Variants in PCDHGA8 observed in about 807,000 individuals in gnomAD.
The protein encoded by PCDHGA8 is protocadherin gamma-A8.
PCDHGA8 carries 45 observed loss-of-function variants against 59.2 expected under a neutral mutation model. The observed-to-expected ratio is 0.76, with a 90% CI of 0.60 to 0.98. The LOEUF is 0.98. Among genes scored for constraint, PCDHGA8 ranks in the 50% least tolerant of loss-of-function variants. The pLI is 0.00. For missense variants in PCDHGA8, 1,257 were observed against 1,196.2 expected (o/e 1.05, Z -0.75); for synonymous variants, 531 against 519.0 (o/e 1.02, Z -0.32).
Position 141,505,473 on chromosome 5 carries a change from C to T in PCDHGA8, c.2564C>T (p.Ser855Phe). The change falls in exon 3 of 4, where the codon TCC (serine) becomes TTC (phenylalanine). Residue 855 changes from serine to phenylalanine, a missense_variant. Transcript: ENST00000398604. Reference sequence around the variant, plus strand: ...ATGCTGCAAGCCATGATCTTGGCGTCCGCCAGTGGTAAGTGGTGTCAGTGT... The same window carrying T: ...ATGCTGCAAGCCATGATCTTGGCGTTCGCCAGTGGTAAGTGGTGTCAGTGT... ...TEMLQAMILA[S>F]ASEAADGSST... is the part of the protein sequence containing the mutation. The T allele has an allele frequency of 6.2e-7, 1 of 1,614,188 alleles. No homozygotes were observed. Among genetic ancestry groups the T allele is most frequent in the Non-Finnish European group, 8.5e-7 (1 of 1,180,014 alleles).
At chr5:141,427,440 G>A (rs747459662) in intron 1 of PCDHGA8, 1 of 477,484 alleles carries the variant, frequency 2.1e-6, no homozygotes, top group South Asian at 1.5e-5. Flanking sequence ...CCTCATAAAC[G>A]AAAGAGTTCC....
chr5:141,419,869 G>A, intron 1 of PCDHGA8: 3 of 1,614,072 alleles, frequency 1.9e-6, no homozygotes, highest in South Asian at 1.1e-5. Flanking sequence ...GCTTGCAAGA[G>A]GTACTGCCGG....
At chr5:141,419,775 G>C in intron 1 of PCDHGA8, 1 of 1,614,016 alleles carries the variant, frequency 6.2e-7, no homozygotes, top group Non-Finnish European at 8.5e-7. Flanking sequence ...GACTCGGTCC[G>C]CCAGCGCCTG....
intron 1 of PCDHGA8, chr5:141,426,908 G>C (rs1047101179): frequency 8.8e-6 from 4 of 456,612 alleles, no homozygotes; most frequent in African/African-American, 6.0e-5. Context: ...CTCATCTCCT[G>C]GTCCTGGAAG....
In PCDHGA8 at chr5:141,489,906, C is replaced by T. The variant is rs550717535; in HGVS notation, c.2425-4901C>T. On this transcript the variant is annotated intron_variant, in intron 1 of 3. Transcript: ENST00000398604. The surrounding 1 kb of genome is among the most constrained non-coding windows in gnomAD (Gnocchi z 4.5). ...CTGTGGATGGGGGGACCCCAGCCCG[C>T]TCAGGGACCACCCTTATCTCTGTCA... 4.5e-5 allele frequency: 72 copies of T among 1,614,234 alleles called. No individual in the cohort carries two copies. In the African/African-American group the frequency reaches 5.6e-4, roughly 13 times the overall value.
chr5:141,502,003 G>A (rs945565369), intron 2 of PCDHGA8, among the ~76,000 whole-genome samples: 17 of 151,966 alleles, frequency 1.1e-4, no homozygotes, highest in Admixed American at 1.1e-3. Flanking sequence ...CTGACAACCC[G>A]CATGCTCTCC....
intron 1 of PCDHGA8, chr5:141,419,863 G>T (rs1416582920): frequency 6.2e-7 from 1 of 1,614,108 alleles, no homozygotes; most frequent in Non-Finnish European, 8.5e-7. Flanking sequence ...CAGATAGCTT[G>T]CAAGAGGTAC....
rs61612330 is a variant in PCDHGA8 at position 141,454,796 on chromosome 5, A to ATTTTTTTTTTTTTTTTTTTTTTTTT, written c.2425-40006_2425-39982dup. ...AAGGAAATAATCCTCCATGGTTCTA[A>ATTTTTTTTTTTTTTTTTTTTTTTTT]TTTTTTTTTTTTTTTTTTTTTTTTT... On this transcript the variant is annotated intron_variant, in intron 1 of 3. Coordinates refer to ENST00000398604, the MANE Select transcript of PCDHGA8 (RefSeq NM_032088.2). Among the ~76,000 whole-genome samples, 7 of 77,408 alleles carry ATTTTTTTTTTTTTTTTTTTTTTTTT rather than the reference A, an allele frequency of 9.0e-5. 1 individual carries two copies. Among genetic ancestry groups the ATTTTTTTTTTTTTTTTTTTTTTTTT allele is most frequent in the East Asian group, 4.0e-4 (1 of 2,514 alleles). 50.8% of individuals were successfully genotyped at this position (77,408 alleles called of 152,430 possible). A position where few individuals can be genotyped will look rare whatever the true frequency, so the allele number is the denominator to read the frequency against.
Position 141,491,543 on chromosome 5 carries a change from A to G in PCDHGA8, c.2425-3264A>G. 6.2e-7 allele frequency: 1 copy of G among 1,613,842 alleles called. No individual in the cohort carries two copies. The highest frequency in any genetic ancestry group is 8.5e-7 in the Non-Finnish European group (1 of 1,179,982). ...ATGGAGGTGACGCTGCGGCCCACAG[A>G]CTCGCAGAGCCACTGCTACAGGACG... On this transcript the variant is annotated intron_variant, in intron 1 of 3. Coordinates refer to ENST00000398604, the MANE Select transcript of PCDHGA8 (RefSeq NM_032088.2). The surrounding 1 kb of genome is among the most constrained non-coding windows in gnomAD (Gnocchi z 6.9).
chr5:141,421,879 G>T (rs1458461652), intron 1 of PCDHGA8: 1 of 1,613,746 alleles, frequency 6.2e-7, no homozygotes, highest in Non-Finnish European at 8.5e-7. Context: ...AGCTTTAGAT[G>T]GAGGCGATCC....
In PCDHGA8 at chr5:141,398,540, T is replaced by C. The variant is rs372892054; in HGVS notation, c.2424+3303T>C. On this transcript the variant is annotated intron_variant, in intron 1 of 3. Transcript: ENST00000398604. The stretch of plus-strand genomic sequence containing the variant: ...ACGCCAAAATTCACGCAAAATTCCT[T>C]TGAGCTGCAAATAAGTGAGTCTGCA... 12 of 1,613,764 alleles carry C rather than the reference T, an allele frequency of 7.4e-6. No homozygotes were observed. The African/African-American group carries it at 1.2e-4, about 16-fold the overall frequency.
Position 141,485,548 on chromosome 5 carries a change from T to C in PCDHGA8, c.2425-9259T>C, listed in dbSNP as rs749739126. ...ACCGAGCAGAGGTAGAGATCGTAGA[T>C]GTGAATGATCACGCCCCCCGTTTTC... On this transcript the variant is annotated intron_variant, in intron 1 of 3. Transcript: ENST00000398604. This position sits in a 1 kb window ranked among gnomAD's most constrained non-coding sequence, Gnocchi z 5.7. The C allele has an allele frequency of 3.1e-6, 5 of 1,614,040 alleles. No homozygotes were observed. The highest frequency in any genetic ancestry group is 3.4e-6 in the Non-Finnish European group (4 of 1,179,942).
chr5:141,478,322 C>A, intron 1 of PCDHGA8: 3 of 1,613,976 alleles, frequency 1.9e-6, no homozygotes, highest in Non-Finnish European at 2.5e-6. Context: ...CTCACTGTAC[C>A]GAACACCAGG....
rs953182246 is a variant in PCDHGA8, at chr5:141,511,757, C to T, written c.*584C>T. ...CTCAAGTTTTGGAGGACATGATCAC[C>T]ATCCCCATGGTACTGATGCTTGCTG... is the stretch of plus-strand genomic sequence containing the variant. On this transcript the variant is annotated 3_prime_UTR_variant, in exon 4 of 4. Coordinates refer to ENST00000398604, the MANE Select transcript of PCDHGA8 (RefSeq NM_032088.2). The T allele has an allele frequency of 6.9e-5, 12 of 174,122 alleles. No individual in the cohort carries two copies. The highest frequency in any genetic ancestry group is 2.8e-4 in the African/African-American group (12 of 42,412). The allele number at this position is 174,122 out of a possible 1,614,324, so 10.8% of individuals were successfully genotyped here.
intron 1 of PCDHGA8, among the ~76,000 whole-genome samples, chr5:141,444,241 G>A (rs1302797543): frequency 3.1e-5 from 4 of 130,308 alleles, no homozygotes; most frequent in Admixed American, 1.9e-4. Flanking sequence ...GCATGCTCTC[G>A]GCTCACTGCA....
chr5:141,491,602 A>T lies in PCDHGA8; in HGVS notation c.2425-3205A>T. On this transcript the variant is annotated intron_variant, in intron 1 of 3. Transcript: ENST00000398604. The surrounding 1 kb of genome is among the most constrained non-coding windows in gnomAD (Gnocchi z 6.9). ...ACCGGCCTCGGACGGCAGTGACTTC[A>T]CTTTTCTAAGACCCCTCAGCGTTCA... is the stretch of plus-strand genomic sequence containing the variant. The T allele has an allele frequency of 6.2e-7, 1 of 1,613,838 alleles. No individual in the cohort carries two copies. Among genetic ancestry groups the T allele is most frequent in the Non-Finnish European group, 8.5e-7 (1 of 1,180,016 alleles).
At chr5:141,463,738 G>A (rs1002263384) in intron 1 of PCDHGA8, among the ~76,000 whole-genome samples, 4 of 151,978 alleles carry the variant, frequency 2.6e-5, no homozygotes, top group Admixed American at 2.6e-4. Flanking sequence ...GAGCCACCGC[G>A]CCCGGCCTGC....
chr5:141,396,698 A>G (rs1003976752), intron 1 of PCDHGA8: 8 of 152,182 alleles, frequency 5.3e-5, no homozygotes, highest in African/African-American at 1.9e-4. Context: ...ACCTTCTTGT[A>G]GCATTTGAAT....
chr5:141,424,697 T>C (rs1467404367), intron 1 of PCDHGA8: 4 of 152,342 alleles, frequency 2.6e-5, no homozygotes, highest in South Asian at 4.1e-4. Context: ...GGCTATTTTT[T>C]TGTTCATTTT....
Sources: allele counts gnomAD v4.1 joint callset (sites outside exome capture counted in the v4.1 genomes callset), GRCh38; gene constraint gnomAD v4.1.1; non-coding constraint Gnocchi (gnomAD v3.1); transcripts MANE v1.5; gene names NCBI Gene and HGNC (gene_info 2026-07-23, HGNC 2026-07-21).